The following UBXN7 variants were observed in gnomAD, a reference collection of about 807,000 sequenced individuals.
The protein encoded by UBXN7 is UBX domain-containing protein 7.
UBXN7 carries 9 observed loss-of-function variants against 58.0 expected under a neutral mutation model. The observed-to-expected ratio is 0.16, with a 90% confidence interval of 0.09 to 0.27. The LOEUF (loss-of-function observed/expected upper bound fraction) is 0.27. Ranked by LOEUF, UBXN7 falls within the 10% of genes least tolerant of loss-of-function variation. The pLI is 1.00. For synonymous variants in UBXN7, 208 were observed against 205.0 expected, an observed-to-expected ratio of 1.01 and a Z score of -0.12; for missense variants, 328 against 599.6, an observed-to-expected ratio of 0.55 and a Z score of 4.73.
At chr3:196,408,097 C>CAAAA (rs71621241) in intron 1 of UBXN7, among the ~76,000 whole-genome samples, 960 of 45,196 alleles carry the variant, frequency 0.021, 30 homozygotes, top group Non-Finnish European at 0.031. Flanking sequence ...GACTCTGTCT[C>CAAAA]AAAAAAAAAA....
At chr3:196,368,576 A>G (rs1202218091) in intron 7 of UBXN7, among the ~76,000 whole-genome samples, 1 of 152,234 alleles carries the variant, frequency 6.6e-6, no homozygotes, top group Non-Finnish European at 1.5e-5. Context: ...CTTATGCTAC[A>G]TAGTGTCTTC....
In UBXN7 at chr3:196,356,304, G is replaced by A. The variant is rs190209321; in HGVS notation, c.*381C>T. 6.3e-6 allele frequency: 1 copy of A among 159,986 alleles called. No homozygotes were observed. The highest frequency in any genetic ancestry group is 1.9e-4 in the East Asian group (1 of 5,360). The allele number at this position is 159,986 out of a possible 1,614,324, so 9.9% of individuals were successfully genotyped here. On this transcript the variant is annotated 3_prime_UTR_variant, in exon 11 of 11. Coordinates refer to ENST00000296328, the MANE Select transcript of UBXN7 (RefSeq NM_015562.2). ...GCCATTCCTTTGCCCGAAGAGTCTG[G>A]GGAGTAACGTTAACATTTGATCCCA...
intron 5 of UBXN7, among the ~76,000 whole-genome samples, chr3:196,376,508 T>C (rs1366576634): frequency 1.6e-5 from 2 of 124,780 alleles, no homozygotes; most frequent in Admixed American, 2.1e-4. Context: ...ATCGCGCCAC[T>C]GCACTCTGGC....
chr3:196,376,994 C>T (rs1182129365), intron 5 of UBXN7, among the ~76,000 whole-genome samples: 3 of 148,544 alleles, frequency 2.0e-5, no homozygotes, highest in African/African-American at 5.0e-5. Context: ...TGCAGTGAGC[C>T]GAGATCGTGC....
rs748819966 is a variant in UBXN7, at chr3:196,362,682, G to A, written c.840C>T (p.Ser280=). ...GGCTGTCTTCACTTGCATCTATAAG[G>A]CTCTCCTGTGAGATGGAGTCATAAA... ...SPPKKCARSE[S]LIDASEDSQL... Residue 280 remains serine (S), a synonymous_variant, in exon 9 of 11, where the codon AGC becomes AGT. Coordinates refer to ENST00000296328, the MANE Select transcript of UBXN7 (RefSeq NM_015562.2). 68 of 1,602,792 alleles carry A rather than the reference G, an allele frequency of 4.2e-5. No individual in the cohort carries two copies. The Middle Eastern group carries it at 3.2e-3, about 74-fold the overall frequency.
intron 3 of UBXN7, among the ~76,000 whole-genome samples, chr3:196,401,990 A>G (rs1480133777): frequency 2.0e-5 from 3 of 151,994 alleles, no homozygotes; most frequent in African/African-American, 4.8e-5. Context: ...AGTTGGAGGG[A>G]AAAAAATTTG....
rs754542800 is a variant in UBXN7, at chr3:196,432,243, G to A, written c.73+84C>T. ...TGTGGGTAAAGCCCGAAGGAGGAAT[G>A]CCTGAAGGTAAGGGGAAGCCCGGGG... On this transcript the variant is annotated intron_variant, in intron 1 of 10. Transcript: ENST00000296328. 3.2e-6 allele frequency: 5 copies of A among 1,553,876 alleles called. No homozygotes were observed. In the South Asian group the frequency reaches 4.6e-5, roughly 14 times the overall value.
chr3:196,407,702 T>G (rs902732456), intron 1 of UBXN7, among the ~76,000 whole-genome samples: 1 of 152,106 alleles, frequency 6.6e-6, no homozygotes, highest in African/African-American at 2.4e-5. Context: ...TATTTGGGAA[T>G]AAGCTGAAAA....
chr3:196,353,844 ATCTT>A lies in UBXN7; in HGVS notation c.*2837_*2840del, dbSNP rs1728276095. Reference sequence around the variant, plus strand: ...TTTTCTCTTATCACTCTCGAAGTCTATCTTTCTTGTTCTTTTCCTCCCTAGCTTT... The same window carrying A: ...TTTTCTCTTATCACTCTCGAAGTCTATCTTGTTCTTTTCCTCCCTAGCTTT... On this transcript the variant is annotated 3_prime_UTR_variant, in exon 11 of 11. Coordinates refer to ENST00000296328, the MANE Select transcript of UBXN7 (RefSeq NM_015562.2). The A allele has an allele frequency of 6.7e-6, 1 of 150,134 alleles. No homozygotes were observed. Among genetic ancestry groups the A allele is most frequent in the African/African-American group, 2.4e-5 (1 of 40,968 alleles). The allele number at this position is 150,134 out of a possible 1,614,324, so 9.3% of individuals were successfully genotyped here.
At chr3:196,386,247 A>G (rs992233408) in intron 5 of UBXN7, among the ~76,000 whole-genome samples, 2 of 152,026 alleles carry the variant, frequency 1.3e-5, no homozygotes, top group African/African-American at 4.8e-5. Context: ...TGCGGAAGGC[A>G]GCAGGGCCCT....
intron 1 of UBXN7, among the ~76,000 whole-genome samples, chr3:196,408,869 G>C (rs935503431): frequency 2.6e-5 from 4 of 152,042 alleles, no homozygotes; most frequent in Admixed American, 2.6e-4. Flanking sequence ...ATTTCACTCT[G>C]ATTTGTCAGG....
intron 1 of UBXN7, among the ~76,000 whole-genome samples, chr3:196,421,658 T>C (rs988190029): frequency 5.9e-5 from 9 of 151,868 alleles, no homozygotes; most frequent in Non-Finnish European, 1.3e-4. Context: ...GCGCCTGTAG[T>C]CCCAGCTACT....
chr3:196,421,555 A>G (rs968072494), intron 1 of UBXN7, among the ~76,000 whole-genome samples: 5 of 151,382 alleles, frequency 3.3e-5, no homozygotes, highest in African/African-American at 7.3e-5. Flanking sequence ...GTGGATTACA[A>G]GGTCAGGAGA....
chr3:196,405,448 C>T (rs1460121886), intron 2 of UBXN7, among the ~76,000 whole-genome samples: 3 of 141,736 alleles, frequency 2.1e-5, no homozygotes, highest in Non-Finnish European at 1.5e-5. Context: ...TCCAGCCTGG[C>T]GACACAGAGA....
At chr3:196,365,389 T>TTTTTG (rs1211922841) in intron 8 of UBXN7, among the ~76,000 whole-genome samples, 5 of 152,038 alleles carry the variant, frequency 3.3e-5, no homozygotes, top group Non-Finnish European at 7.4e-5. Context: ...CAAGAGCAGT[T>TTTTTG]TTTTGTTTTG....
chr3:196,404,491 T>C (rs1371816064), intron 2 of UBXN7, among the ~76,000 whole-genome samples: 1 of 152,070 alleles, frequency 6.6e-6, no homozygotes, highest in Non-Finnish European at 1.5e-5. Context: ...CTCAATCTCC[T>C]GACCTCGTGA....
chr3:196,365,217 G>A (rs1427298020), intron 8 of UBXN7, among the ~76,000 whole-genome samples: 1 of 145,358 alleles, frequency 6.9e-6, no homozygotes, highest in African/African-American at 2.6e-5. Flanking sequence ...AGAGAGAAAG[G>A]TATCAAATTA....
At chr3:196,407,096 G>GT in intron 2 of UBXN7, 150 bp downstream of exon 2, 1 of 1,059,920 alleles carries the variant, frequency 9.4e-7, no homozygotes, top group Non-Finnish European at 1.3e-6. Context: ...TTTAAAGTAT[G>GT]TAACTACAAA....
At chr3:196,373,222 C>A (rs1436737379) in intron 5 of UBXN7, among the ~76,000 whole-genome samples, 2 of 152,108 alleles carry the variant, frequency 1.3e-5, no homozygotes, top group Non-Finnish European at 2.9e-5. Flanking sequence ...AGTTTTTTCT[C>A]TTAAGAGTTG....
Sources: allele counts gnomAD v4.1 joint callset (sites outside exome capture counted in the v4.1 genomes callset), GRCh38; gene constraint gnomAD v4.1.1; transcripts MANE v1.5; gene names NCBI Gene and HGNC (gene_info 2026-07-23, HGNC 2026-07-21).